OPCML: variants seen among roughly 807,000 people sequenced by gnomAD.
OPCML encodes the protein opioid-binding protein/cell adhesion molecule.
OPCML carries 13 observed loss-of-function variants against 37.8 expected under a neutral mutation model. The observed-to-expected ratio is 0.34, with a 90% CI of 0.22 to 0.55. The LOEUF (loss-of-function observed/expected upper bound fraction) is 0.55, where lower values mean the gene tolerates loss of function less well. Ranked by LOEUF, OPCML falls within the 20% of genes least tolerant of loss-of-function variation. The pLI is 0.91. For missense variants in OPCML, 341 were observed against 435.6 expected, an observed-to-expected ratio of 0.78 and a Z score of 1.93; for synonymous variants, 176 against 168.8, an observed-to-expected ratio of 1.04 and a Z score of -0.33.
intron 1 of OPCML, among the ~76,000 whole-genome samples, chr11:133,047,334 A>G (rs1400868916): frequency 6.6e-6 from 1 of 152,230 alleles, no homozygotes; most frequent in Non-Finnish European, 1.5e-5. Flanking sequence ...TGATGCAGCT[A>G]TTCATACTAT....
intron 2 of OPCML, among the ~76,000 whole-genome samples, chr11:132,801,310 T>C (rs1391573121): frequency 1.3e-5 from 2 of 152,188 alleles, no homozygotes; most frequent in Non-Finnish European, 2.9e-5. Context: ...GTCAATTTTG[T>C]TGATATTTTT....
chr11:133,044,288 T>C (rs1308837536), intron 1 of OPCML, among the ~76,000 whole-genome samples: 1 of 152,110 alleles, frequency 6.6e-6, no homozygotes, highest in African/African-American at 2.4e-5. Flanking sequence ...AATGTAGAGA[T>C]TCGAGGCAAA....
At chr11:133,439,846 C>T (rs1239849997) in intron 1 of OPCML, among the ~76,000 whole-genome samples, 1 of 151,990 alleles carries the variant, frequency 6.6e-6, no homozygotes, top group Non-Finnish European at 1.5e-5. Flanking sequence ...ATGAGCAAGT[C>T]CAATCCAGCT....
intron 3 of OPCML, among the ~76,000 whole-genome samples, chr11:132,572,897 ATTTG>A (rs1394601666): frequency 6.6e-6 from 1 of 151,754 alleles, no homozygotes; most frequent in Non-Finnish European, 1.5e-5. Flanking sequence ...GTGTTTTTCT[ATTTG>A]TTTGGGTCTT....
At chr11:132,969,401 G>A (rs959958337) in intron 1 of OPCML, among the ~76,000 whole-genome samples, 1 of 152,122 alleles carries the variant, frequency 6.6e-6, no homozygotes, top group African/African-American at 2.4e-5. Context: ...GCTTATGGGT[G>A]TGGATGTTTT....
chr11:132,992,282 C>T (rs1015348180), intron 1 of OPCML, among the ~76,000 whole-genome samples: 1 of 152,008 alleles, frequency 6.6e-6, no homozygotes, highest in East Asian at 1.9e-4. Flanking sequence ...CACATACACA[C>T]TCACTCATCC....
chr11:133,364,338 G>C (rs550891845), intron 1 of OPCML, among the ~76,000 whole-genome samples: 1 of 152,278 alleles, frequency 6.6e-6, no homozygotes, highest in South Asian at 2.1e-4. Context: ...AGATAAAAGA[G>C]CCCACATGAA....
At chr11:132,456,515 G>T (rs181934486) in intron 4 of OPCML, among the ~76,000 whole-genome samples, 14 of 152,234 alleles carry the variant, frequency 9.2e-5, no homozygotes, top group African/African-American at 3.1e-4. Context: ...GTGCACTGTT[G>T]TCAGCAGCAA....
intron 1 of OPCML, among the ~76,000 whole-genome samples, chr11:133,497,395 T>G (rs907991749): frequency 2.6e-5 from 4 of 152,176 alleles, no homozygotes; most frequent in East Asian, 1.9e-4. Context: ...TCTATTTCCT[T>G]GAATATTTCT....
intron 2 of OPCML, among the ~76,000 whole-genome samples, chr11:132,828,192 G>A (rs1375399604): frequency 6.6e-6 from 1 of 152,148 alleles, no homozygotes; most frequent in Non-Finnish European, 1.5e-5. Flanking sequence ...TTCTGGAAAA[G>A]GCACAATTAT....
Position 133,212,020 on chromosome 11 carries a change from C to G in OPCML, c.62-269010G>C, listed in dbSNP as rs557016878. Among the ~76,000 whole-genome samples, 4 of 152,104 alleles carry G rather than the reference C, an allele frequency of 2.6e-5. No homozygotes were observed. The highest frequency in any genetic ancestry group is 9.7e-5 in the African/African-American group (4 of 41,418). ...GCATACAGCCTGATAGCAGATTGAC[C>G]GTGCCAGCTGTCACTTTTACAATCT... On this transcript the variant is annotated intron_variant, in intron 1 of 7. Coordinates refer to ENST00000524381, the MANE Select transcript of OPCML (RefSeq NM_001012393.5). This position sits in a 1 kb window ranked among gnomAD's most constrained non-coding sequence, Gnocchi z 4.9.
intron 2 of OPCML, among the ~76,000 whole-genome samples, chr11:132,716,429 T>TCTAC (rs1440197841): frequency 9.8e-6 from 1 of 101,778 alleles, no homozygotes; most frequent in Non-Finnish European, 2.0e-5. Flanking sequence ...TATCTATCTA[T>TCTAC]CTATCTATCT....
At chr11:133,343,025 T>C (rs138858470) in intron 1 of OPCML, among the ~76,000 whole-genome samples, 11 of 152,282 alleles carry the variant, frequency 7.2e-5, no homozygotes, top group African/African-American at 2.6e-4. Context: ...TTTATAGAGA[T>C]GGAGTTTCAC....
At chr11:133,157,588 C>A (rs1272571818) in intron 1 of OPCML, among the ~76,000 whole-genome samples, 1 of 152,144 alleles carries the variant, frequency 6.6e-6, no homozygotes, top group Non-Finnish European at 1.5e-5. Flanking sequence ...CTCTCTGCCA[C>A]CCCATCTCCT....
intron 1 of OPCML, among the ~76,000 whole-genome samples, chr11:133,414,257 T>C (rs1216584610): frequency 1.3e-5 from 2 of 152,026 alleles, no homozygotes; most frequent in East Asian, 1.9e-4. Flanking sequence ...CCCTAAAACA[T>C]GTATATACGT....
chr11:133,443,551 T>A (rs1226255470), intron 1 of OPCML, among the ~76,000 whole-genome samples: 2 of 152,228 alleles, frequency 1.3e-5, no homozygotes, highest in Non-Finnish European at 1.5e-5. Flanking sequence ...CACTTCATCC[T>A]GGCTGGAAAT....
At chr11:132,721,044 C>A (rs1471912170) in intron 2 of OPCML, among the ~76,000 whole-genome samples, 2 of 152,148 alleles carry the variant, frequency 1.3e-5, no homozygotes, top group Non-Finnish European at 2.9e-5. Context: ...CCCATTTCTT[C>A]TCTTGACATT....
At chr11:133,040,649 G>A (rs959719095) in intron 1 of OPCML, among the ~76,000 whole-genome samples, 4 of 152,150 alleles carry the variant, frequency 2.6e-5, no homozygotes, top group African/African-American at 9.7e-5. Flanking sequence ...CATCGTCCAG[G>A]CCTGTGCCCA....
At chr11:133,268,160 G>A (rs910575408) in intron 1 of OPCML, among the ~76,000 whole-genome samples, 6 of 152,076 alleles carry the variant, frequency 3.9e-5, no homozygotes, top group Admixed American at 3.9e-4. Flanking sequence ...GACAGCCCTG[G>A]ATATTCAGAC....
Sources: gnomAD v4.1 joint callset for allele counts (sites outside exome capture counted in the v4.1 genomes callset) on GRCh38, gnomAD v4.1.1 for gene constraint, Gnocchi (gnomAD v3.1) non-coding constraint, MANE v1.5 for transcripts, NCBI Gene and HGNC (gene_info 2026-07-23, HGNC 2026-07-21) for gene names.